The following CADPS2 variants were observed in gnomAD, a reference collection of about 807,000 sequenced individuals.
CADPS2 encodes calcium-dependent secretion activator 2.
A neutral mutation model predicts 172.5 loss-of-function variants in CADPS2; 93 were observed. The ratio of observed to expected loss-of-function variants is 0.54; its 90% CI spans 0.46 to 0.64. CADPS2 has a LOEUF of 0.64. CADPS2 is among the 30% of genes least tolerant of loss of function. The pLI is 0.00. For synonymous variants in CADPS2, 546 were observed against 555.2 expected (o/e 0.98, Z 0.23); for missense variants, 1,420 against 1,565.9 (o/e 0.91, Z 1.57).
intron 8 of CADPS2, among the ~76,000 whole-genome samples, chr7:122,527,609 AGAGAGAGAGTGT>A (rs1453346951): frequency 1.5e-3 from 185 of 120,814 alleles, no homozygotes; most frequent in African/African-American, 5.5e-3. Context: ...AGAGAGAGAG[AGAGAGAGAGTGT>A]GTGTGTGTGT....
At chr7:122,861,143 G>A (rs1004167536) in intron 1 of CADPS2, among the ~76,000 whole-genome samples, 2 of 152,070 alleles carry the variant, frequency 1.3e-5, no homozygotes, top group Admixed American at 1.3e-4. Flanking sequence ...GGATCACATG[G>A]TAGTCCTATT....
At chr7:122,783,425 G>A (rs1207996120) in intron 1 of CADPS2, among the ~76,000 whole-genome samples, 3 of 151,936 alleles carry the variant, frequency 2.0e-5, no homozygotes, top group African/African-American at 7.3e-5. Flanking sequence ...TATTTTTCCT[G>A]CCGCAGCGTT....
rs1371650640 is a variant in CADPS2 at position 122,531,547 on chromosome 7, T to C, written c.1476-18232A>G. ...AATGAGTAGAGTCCCTATACTAATA[T>C]ACTTACAGATAAGAATTCTAAGAAT... On this transcript the variant is annotated intron_variant, in intron 8 of 29. Transcript: ENST00000449022. 5.9e-5 allele frequency among the ~76,000 whole-genome samples: 9 copies of C among 152,330 alleles called. 2 individuals carry two copies. The highest frequency in any genetic ancestry group is 5.2e-4 in the Admixed American group (8 of 15,300).
chr7:122,560,169 T>C (rs1351253961), intron 7 of CADPS2, among the ~76,000 whole-genome samples: 1 of 152,034 alleles, frequency 6.6e-6, no homozygotes, highest in Non-Finnish European at 1.5e-5. Context: ...ATCAGGTAAG[T>C]TGGGCAAAAT....
At position 122,802,211 on chromosome 7, in the gene CADPS2, T is replaced by A. The variant is rs376560816; in HGVS notation, c.340-65143A>T. On this transcript the variant is annotated intron_variant, in intron 1 of 29. Transcript: ENST00000449022. ...GTAAATGTGTGAAATATCCCCCTGA[T>A]TACCCTACAAATGCACCCAAAAAAG... 2.6e-5 allele frequency among the ~76,000 whole-genome samples: 4 copies of A among 152,306 alleles called. No homozygotes were observed. In the East Asian group the frequency reaches 7.7e-4, roughly 29 times the overall value.
Position 122,629,288 on chromosome 7 carries a change from T to TC in CADPS2, c.826dup (p.Glu276GlyfsTer3). On this transcript the variant is annotated frameshift_variant, in exon 4 of 30. Transcript: ENST00000449022. LOFTEE classifies it high-confidence loss of function. Reference sequence around the variant, plus strand: ...TGCCAATTGCAGCCGGCCATCAAGTTCCCTTCTGATCTGGGCTGCTTGTTC... The same window carrying TC: ...TGCCAATTGCAGCCGGCCATCAAGTTCCCCTTCTGATCTGGGCTGCTTGTTC... 1 of 1,610,552 alleles carries TC rather than the reference T, an allele frequency of 6.2e-7. No individual in the cohort carries two copies. The highest frequency in any genetic ancestry group is 2.2e-5 in the East Asian group (1 of 44,760).
At chr7:122,538,663 G>A (rs73433737) in intron 8 of CADPS2, among the ~76,000 whole-genome samples, 4,243 of 136,484 alleles carry the variant, frequency 0.031, 72 homozygotes, top group South Asian at 0.06. Flanking sequence ...CCAATTTTGG[G>A]TAAGGAGATA....
intron 8 of CADPS2, among the ~76,000 whole-genome samples, chr7:122,550,925 T>G (rs6949079): frequency 0.016 from 2,363 of 152,282 alleles, 65 homozygotes; most frequent in African/African-American, 0.053. Context: ...TAAACTCAAG[T>G]TTTTGCTAAA....
In CADPS2 at chr7:122,864,858, T is replaced by C. The variant is rs577985315; in HGVS notation, c.339+21141A>G. Among the ~76,000 whole-genome samples, 223 of 152,272 alleles carry C rather than the reference T, an allele frequency of 1.5e-3. 6 individuals carry two copies. The South Asian group carries it at 0.045, about 31-fold the overall frequency. The stretch of plus-strand genomic sequence containing the variant: ...TGCTCTAACTCCTACCACACTGACA[T>C]TGACATTCCAGCCAGTAAGAAGGGG... On this transcript the variant is annotated intron_variant, in intron 1 of 29. Coordinates refer to ENST00000449022, the MANE Select transcript of CADPS2 (RefSeq NM_017954.11).
chr7:122,614,415 A>G (rs1310412020), intron 6 of CADPS2, among the ~76,000 whole-genome samples: 1 of 152,154 alleles, frequency 6.6e-6, no homozygotes, highest in Non-Finnish European at 1.5e-5. Flanking sequence ...TCCTGAATGA[A>G]CAGGTCACAT....
intron 12 of CADPS2, among the ~76,000 whole-genome samples, chr7:122,477,641 C>T (rs1017021915): frequency 1.3e-5 from 2 of 150,758 alleles, no homozygotes; most frequent in African/African-American, 4.9e-5. Context: ...AGATGTAATA[C>T]GGCTGAAATG....
intron 2 of CADPS2, among the ~76,000 whole-genome samples, chr7:122,671,908 A>G (rs191026875): frequency 6.6e-6 from 1 of 152,322 alleles, no homozygotes. Flanking sequence ...ATAATTAATG[A>G]ACCAGTAAGG....
chr7:122,373,757 C>A (rs368426331), intron 25 of CADPS2, among the ~76,000 whole-genome samples: 1 of 152,100 alleles, frequency 6.6e-6, no homozygotes, highest in Non-Finnish European at 1.5e-5. Flanking sequence ...AACCTCTCAA[C>A]AAAGAAATGG....
chr7:122,691,372 T>C (rs1005784446), intron 2 of CADPS2, among the ~76,000 whole-genome samples: 42 of 152,238 alleles, frequency 2.8e-4, no homozygotes, highest in African/African-American at 9.6e-4. Context: ...TAAAAGCCTG[T>C]TGGCACTTCC....
At chr7:122,692,664 A>G (rs2084540841) in intron 2 of CADPS2, among the ~76,000 whole-genome samples, 1 of 152,202 alleles carries the variant, frequency 6.6e-6, no homozygotes, top group African/African-American at 2.4e-5. Context: ...AACTATGCCA[A>G]CTGTCAGGTT....
chr7:122,836,009 A>G (rs1404663647), intron 1 of CADPS2, among the ~76,000 whole-genome samples: 1 of 152,218 alleles, frequency 6.6e-6, no homozygotes, highest in East Asian at 1.9e-4. Context: ...GAAGGAAAAA[A>G]TGTTAAGGGC....
Position 122,393,575 on chromosome 7 carries a change from CAAA to C in CADPS2, c.2751_2753del (p.Leu918del), listed in dbSNP as rs1460133542. On this transcript the variant is annotated inframe_deletion, in exon 21 of 30. Transcript: ENST00000449022. ...AGTGTTTGTGAAATTTTCCATTACA[CAAA>C]AGTGCTGAAATAGCCAAGCAGAAAC... 1 of 1,613,524 alleles carries C rather than the reference CAAA, an allele frequency of 6.2e-7. No homozygotes were observed. The highest frequency in any genetic ancestry group is 8.5e-7 in the Non-Finnish European group (1 of 1,179,750).
At chr7:122,501,711 T>C (rs1304276736) in intron 9 of CADPS2, among the ~76,000 whole-genome samples, 1 of 151,276 alleles carries the variant, frequency 6.6e-6, no homozygotes, top group Non-Finnish European at 1.5e-5. Context: ...CCATCTCTAC[T>C]AAAAATACAA....
At chr7:122,471,196 C>T (rs566801848) in intron 14 of CADPS2, among the ~76,000 whole-genome samples, 179 bp downstream of exon 14, 4 of 151,790 alleles carry the variant, frequency 2.6e-5, no homozygotes, top group African/African-American at 9.6e-5. Context: ...TAAAGTGTAG[C>T]CCACCTAAAT....
Sources: allele counts gnomAD v4.1 joint callset (sites outside exome capture counted in the v4.1 genomes callset), GRCh38; gene constraint gnomAD v4.1.1; transcripts MANE v1.5; gene names NCBI Gene and HGNC (gene_info 2026-07-23, HGNC 2026-07-21).